COL5A2: variants seen among roughly 807,000 people sequenced by gnomAD.
COL5A2 encodes the protein collagen type V alpha 2 chain.
In COL5A2, 23 loss-of-function variants were observed where a neutral mutation model predicts 208.2. The ratio of observed to expected loss-of-function variants is 0.11; its 90% CI spans 0.08 to 0.16. The LOEUF (loss-of-function observed/expected upper bound fraction) is 0.16. Among genes scored for constraint, COL5A2 ranks in the 10% least tolerant of loss-of-function variants. COL5A2 has a pLI of 1.00. For missense variants in COL5A2, 1,590 were observed against 1,956.4 expected, an observed-to-expected ratio of 0.81 and a Z score of 3.53; for synonymous variants, 625 against 628.5, an observed-to-expected ratio of 0.99 and a Z score of 0.08.
chr2:189,097,057 G>A (rs1686933615), intron 6 of COL5A2, among the ~76,000 whole-genome samples: 1 of 152,154 alleles, frequency 6.6e-6, no homozygotes, highest in Admixed American at 6.5e-5. Flanking sequence ...TGTTAACTAT[G>A]CTTCCTTAAG....
chr2:189,435,368 C>T, the COL5A2 span, among the ~76,000 whole-genome samples: 12 of 152,230 alleles, frequency 7.9e-5, no homozygotes, highest in South Asian at 4.2e-4. Context: ...GCAAAAGAAA[C>T]GACCATCAGA....
At chr2:189,321,559 G>A in the COL5A2 span, among the ~76,000 whole-genome samples, 1 of 152,118 alleles carries the variant, frequency 6.6e-6, no homozygotes, top group African/African-American at 2.4e-5. Context: ...AAGATCAAAA[G>A]AGACAAAGAA....
the COL5A2 span, among the ~76,000 whole-genome samples, chr2:189,248,604 T>C: frequency 6.6e-6 from 1 of 152,166 alleles, no homozygotes; most frequent in African/African-American, 2.4e-5. Context: ...AGATACAATA[T>C]ATTGAAGAAA....
chr2:189,436,225 G>A, the COL5A2 span, among the ~76,000 whole-genome samples: 1 of 152,090 alleles, frequency 6.6e-6, no homozygotes, highest in African/African-American at 2.4e-5. Context: ...ATAGGCATGG[G>A]CAAGGATTTC....
chr2:189,106,650 G>A (rs1687154053), intron 2 of COL5A2, among the ~76,000 whole-genome samples: 1 of 151,080 alleles, frequency 6.6e-6, no homozygotes, highest in African/African-American at 2.4e-5. Flanking sequence ...TGGTAATGGT[G>A]ATAATGGATA....
the COL5A2 span, among the ~76,000 whole-genome samples, chr2:189,370,539 AAC>A: frequency 6.6e-6 from 1 of 151,956 alleles, no homozygotes; most frequent in Admixed American, 6.6e-5. Flanking sequence ...TCTAAAATAA[AAC>A]ACACACACAC....
chr2:189,110,497 T>C lies in COL5A2; in HGVS notation c.98-48A>G, dbSNP rs1425134293. 6.4e-6 allele frequency: 10 copies of C among 1,560,744 alleles called. No homozygotes were observed. In the East Asian group the frequency reaches 6.8e-5, roughly 11 times the overall value. Reference sequence around the variant, plus strand: ...AGGTTAGTAATCTGAAATTATAGAATTGAGAAAATAAAAGGTGAGCCATCT... The same window carrying C: ...AGGTTAGTAATCTGAAATTATAGAACTGAGAAAATAAAAGGTGAGCCATCT... On this transcript the variant is annotated intron_variant, in intron 1 of 53. Coordinates refer to ENST00000374866, the MANE Select transcript of COL5A2 (RefSeq NM_000393.5).
At chr2:189,439,831 C>T in the COL5A2 span, among the ~76,000 whole-genome samples, 1 of 152,202 alleles carries the variant, frequency 6.6e-6, no homozygotes, top group Non-Finnish European at 1.5e-5. Context: ...TAAAGTCACA[C>T]TAATTTGAGT....
the COL5A2 span, among the ~76,000 whole-genome samples, chr2:189,411,728 T>C: frequency 6.6e-6 from 1 of 152,146 alleles, no homozygotes; most frequent in East Asian, 1.9e-4. Flanking sequence ...ATCAATAAGA[T>C]CTTGTTTGAT....
At chr2:189,179,906 A>AAC (rs763275027), upstream of COL5A2, 6 of 557,678 alleles carry the variant, frequency 1.1e-5, no homozygotes, top group Non-Finnish European at 1.6e-5. Flanking sequence ...ACCAAATCAG[A>AAC]ACACGCGTCT....
At chr2:189,381,316 T>C in the COL5A2 span, among the ~76,000 whole-genome samples, 1 of 152,118 alleles carries the variant, frequency 6.6e-6, no homozygotes, top group Non-Finnish European at 1.5e-5. Flanking sequence ...TCTTTCATTT[T>C]CCTTTTCTTT....
intron 23 of COL5A2, 46 bp downstream of exon 23, chr2:189,066,344 T>C (rs1330232379): frequency 8.5e-6 from 13 of 1,523,610 alleles, no homozygotes; most frequent in African/African-American, 1.4e-5. Flanking sequence ...CTTACACACA[T>C]AATTCCCTCA....
At chr2:189,098,036 C>CCCCG (rs201575653) in intron 5 of COL5A2, among the ~76,000 whole-genome samples, 2 of 150,936 alleles carry the variant, frequency 1.3e-5, no homozygotes, top group South Asian at 2.1e-4. Flanking sequence ...AAATGTTTTT[C>CCCCG]CCCCCCTGGG....
the COL5A2 span, among the ~76,000 whole-genome samples, chr2:189,370,911 T>C: frequency 1.1e-4 from 16 of 152,074 alleles, no homozygotes; most frequent in Non-Finnish European, 1.3e-4. Flanking sequence ...TTATGGAAAT[T>C]TGTCTCCTCC....
chr2:189,082,479 G>A (rs1401420575), intron 12 of COL5A2, among the ~76,000 whole-genome samples: 1 of 152,120 alleles, frequency 6.6e-6, no homozygotes, highest in Non-Finnish European at 1.5e-5. Context: ...ACAGAGATTT[G>A]TCTCCTCTCC....
chr2:189,436,474 T>C, the COL5A2 span, among the ~76,000 whole-genome samples: 5 of 152,038 alleles, frequency 3.3e-5, no homozygotes, highest in African/African-American at 1.2e-4. Flanking sequence ...TGTATACATA[T>C]GTAACAAACT....
chr2:189,310,923 G>A, the COL5A2 span, among the ~76,000 whole-genome samples: 35 of 152,192 alleles, frequency 2.3e-4, no homozygotes, highest in Non-Finnish European at 4.1e-4. Flanking sequence ...GTTACCAGGG[G>A]CTGGGAAGGG....
intron 50 of COL5A2, 106 bp from the exon 51 acceptor site, chr2:189,039,669 G>A: frequency 8.9e-7 from 1 of 1,119,808 alleles, no homozygotes; most frequent in Non-Finnish European, 1.3e-6. Flanking sequence ...CAATTTGACA[G>A]TAAAGGGAGA....
At chr2:189,208,932 C>T (rs7599222) in intron 1 of COL5A2, among the ~76,000 whole-genome samples, 28,164 of 152,082 alleles carry the variant, frequency 0.19, 3,743 homozygotes, top group African/African-American at 0.37. Flanking sequence ...TTGTCAACAT[C>T]CTCTTACCAT....
Sources: gnomAD v4.1 joint callset for allele counts (sites outside exome capture counted in the v4.1 genomes callset) on GRCh38, gnomAD v4.1.1 for gene constraint, MANE v1.5 for transcripts, NCBI Gene and HGNC (gene_info 2026-07-23, HGNC 2026-07-21) for gene names.